Variants in PGBD2 observed in about 807,000 individuals in gnomAD.
PGBD2 encodes the protein piggyBac transposable element-derived protein 2.
A neutral mutation model predicts 8.1 loss-of-function variants in PGBD2; 6 were observed. The ratio of observed to expected loss-of-function variants is 0.74; its 90% confidence interval spans 0.40 to 1.46. PGBD2 has a LOEUF of 1.46. Among genes scored for constraint, PGBD2 ranks in the 40% most tolerant of loss-of-function variants. The pLI, the probability that PGBD2 is intolerant of heterozygous loss-of-function variation, is 0.02. For synonymous variants in PGBD2, 318 were observed against 272.2 expected, an observed-to-expected ratio of 1.17 and a Z score of -1.66; for missense variants, 802 against 739.0, an observed-to-expected ratio of 1.09 and a Z score of -0.99.
rs146329960 is a variant in PGBD2, at chr1:248,916,913, G to A, written c.329G>A (p.Arg110His). ...KRQKAVVKPQRIWTKRDIRPD... is the reference protein window; with the variant it reads ...KRQKAVVKPQHIWTKRDIRPD... ...CAGAAAGCAGTTGTGAAACCTCAGC[G>A]CATTTGGACCAAAAGAGATATTCGT... is the stretch of plus-strand genomic sequence containing the variant. The change falls in exon 3 of 3, where the codon CGC (arginine) becomes CAC (histidine). Residue 110 changes from arginine to histidine, a missense_variant. By Grantham distance (29) the Arg-to-His change is conservative. Coordinates refer to ENST00000329291, the MANE Select transcript of PGBD2 (RefSeq NM_170725.3). The A allele has an allele frequency of 1.7e-5, 27 of 1,613,988 alleles. No homozygotes were observed. The highest frequency in any genetic ancestry group is 1.7e-4 in the Middle Eastern group (1 of 6,060).
the PGBD2 span, among the ~76,000 whole-genome samples, chr1:248,883,186 G>T: frequency 2.0e-5 from 3 of 151,634 alleles, no homozygotes; most frequent in East Asian, 5.9e-4. Context: ...TGCAATGGCG[G>T]GATCTCGGCT....
At chr1:248,893,128 G>A in the PGBD2 span, among the ~76,000 whole-genome samples, 1 of 152,128 alleles carries the variant, frequency 6.6e-6, no homozygotes, top group South Asian at 2.1e-4. Context: ...TATACAATTT[G>A]GACATAGGTG....
In PGBD2 at chr1:248,906,276, A is replaced by T. The variant is rs534042621; in HGVS notation, c.-114A>T. 1 of 151,846 alleles carries T rather than the reference A, an allele frequency of 6.6e-6. No homozygotes were observed. The highest frequency in any genetic ancestry group is 2.4e-5 in the African/African-American group (1 of 41,286). 9.4% of individuals were successfully genotyped at this position (151,846 alleles called of 1,614,324 possible). ...CGACGCCCGACGCCAACGCAGGCGCAGCGCTCCGATTCGGCGCGGCTCATG... is the reference window on the plus strand; with the variant it reads ...CGACGCCCGACGCCAACGCAGGCGCTGCGCTCCGATTCGGCGCGGCTCATG... On this transcript the variant is annotated 5_prime_UTR_variant, in exon 1 of 3. Coordinates refer to ENST00000329291, the MANE Select transcript of PGBD2 (RefSeq NM_170725.3).
intron 1 of PGBD2, among the ~76,000 whole-genome samples, chr1:248,908,594 C>G (rs552990132): frequency 1.3e-5 from 2 of 152,262 alleles, no homozygotes; most frequent in South Asian, 2.1e-4. Context: ...CTCCCTGCAT[C>G]TATGTTGGGG....
chr1:248,887,871 A>G, the PGBD2 span, among the ~76,000 whole-genome samples: 4 of 152,162 alleles, frequency 2.6e-5, no homozygotes, highest in African/African-American at 9.7e-5. Context: ...CAGTGGACAT[A>G]GTACTCAATA....
the PGBD2 span, among the ~76,000 whole-genome samples, chr1:248,887,212 G>T: frequency 6.6e-6 from 1 of 152,060 alleles, no homozygotes; most frequent in African/African-American, 2.4e-5. Context: ...CTGATACAAC[G>T]CAATTGACTA....
At chr1:248,922,244 A>T (rs560632912), downstream of PGBD2, among the ~76,000 whole-genome samples, 57 of 151,970 alleles carry the variant, frequency 3.8e-4, no homozygotes, top group African/African-American at 1.2e-3. Context: ...TATTTTTGGT[A>T]GAGACGGGGT....
chr1:248,928,610 T>C, the PGBD2 span, among the ~76,000 whole-genome samples: 4 of 152,204 alleles, frequency 2.6e-5, no homozygotes, highest in East Asian at 7.7e-4. Flanking sequence ...GGAGAAAAAC[T>C]AATCTGTTCT....
At chr1:248,886,927 G>A in the PGBD2 span, among the ~76,000 whole-genome samples, 7 of 152,146 alleles carry the variant, frequency 4.6e-5, no homozygotes, top group African/African-American at 7.2e-5. Context: ...AAATCTCAAG[G>A]GGGTAAAACT....
At chr1:248,905,550 G>A, upstream of PGBD2, among the ~76,000 whole-genome samples, 1 of 152,266 alleles carries the variant, frequency 6.6e-6, no homozygotes, top group East Asian at 1.9e-4. Context: ...TACAATTAAG[G>A]TTCTATTTTT....
At chr1:248,874,150 A>C in the PGBD2 span, among the ~76,000 whole-genome samples, 1 of 152,136 alleles carries the variant, frequency 6.6e-6, no homozygotes, top group African/African-American at 2.4e-5. Context: ...CATATTCCCA[A>C]ATGTTGCGAG....
downstream of PGBD2, among the ~76,000 whole-genome samples, chr1:248,921,395 T>C (rs928696222): frequency 3.3e-5 from 5 of 152,222 alleles, no homozygotes; most frequent in African/African-American, 1.2e-4. Flanking sequence ...AAATAGGGAA[T>C]CTTTTCACCA....
At chr1:248,924,718 T>G (rs988300257), downstream of PGBD2, among the ~76,000 whole-genome samples, 2 of 152,222 alleles carry the variant, frequency 1.3e-5, no homozygotes, top group African/African-American at 2.4e-5. Context: ...TTCTGTCTCT[T>G]TAACTGAGAA....
chr1:248,884,493 C>T, the PGBD2 span, among the ~76,000 whole-genome samples: 1 of 152,098 alleles, frequency 6.6e-6, no homozygotes, highest in African/African-American at 2.4e-5. Context: ...ATTACAGGCA[C>T]ACACCACCAT....
At chr1:248,881,003 A>C in the PGBD2 span, among the ~76,000 whole-genome samples, 4 of 152,120 alleles carry the variant, frequency 2.6e-5, no homozygotes, top group Non-Finnish European at 5.9e-5. Context: ...CCACCAGGTT[A>C]CTTAAGGGTA....
chr1:248,929,282 A>G, the PGBD2 span, among the ~76,000 whole-genome samples: 1 of 151,868 alleles, frequency 6.6e-6, no homozygotes, highest in East Asian at 1.9e-4. Flanking sequence ...TGCCATCTCC[A>G]TTCGTCTCTC....
rs1404663872 is a variant in PGBD2, at chr1:248,917,520, A to G, written c.936A>G (p.Ser312=). ...GCTACTTGGTGTGGTTTGAGCCCTC[A>G]CAGGGCACACTGTTTACCAAGCCAG... is the stretch of plus-strand genomic sequence containing the variant. ...SRGYLVWFEP[S]QGTLFTKPDR... The change falls in exon 3 of 3, where the codon TCA becomes TCG. Residue 312 remains serine (S), a synonymous_variant. Transcript: ENST00000329291. 6.2e-7 allele frequency: 1 copy of G among 1,614,082 alleles called. No homozygotes were observed. Among genetic ancestry groups the G allele is most frequent in the African/African-American group, 1.3e-5 (1 of 74,928 alleles).
intron 1 of PGBD2, 111 bp from the exon 2 acceptor site, chr1:248,913,705 G>C (rs944741665): frequency 1.4e-6 from 1 of 690,680 alleles, no homozygotes; most frequent in Non-Finnish European, 2.6e-6. Context: ...ACACTATTAA[G>C]GTGGTGAATC....
chr1:248,876,116 C>G, the PGBD2 span, among the ~76,000 whole-genome samples: 3 of 151,604 alleles, frequency 2.0e-5, no homozygotes, highest in Non-Finnish European at 4.4e-5. Flanking sequence ...TCAAGCGATT[C>G]TCCTGCCTCA....
Sources: gnomAD v4.1 joint callset for allele counts (sites outside exome capture counted in the v4.1 genomes callset) on GRCh38, gnomAD v4.1.1 for gene constraint, MANE v1.5 for transcripts, NCBI Gene and HGNC (gene_info 2026-07-23, HGNC 2026-07-21) for gene names.